Variants in PFKP observed in about 807,000 individuals in gnomAD.
The protein encoded by PFKP is ATP-dependent 6-phosphofructokinase, platelet type.
A neutral mutation model predicts 94.3 loss-of-function variants in PFKP; 101 were observed. The ratio of observed to expected loss-of-function variants is 1.07; its 90% confidence interval spans 0.91 to 1.26. The LOEUF (loss-of-function observed/expected upper bound fraction) is 1.26, where lower values mean the gene tolerates loss of function less well. PFKP is among the 50% of genes most tolerant of loss of function. The pLI is 0.00. For missense variants in PFKP, 1,145 were observed against 1,103.3 expected (o/e 1.04, Z -0.53); for synonymous variants, 573 against 432.6 (o/e 1.32, Z -4.03).
intron 1 of PFKP, chr10:3,068,573 C>A: frequency 1.5e-6 from 1 of 684,626 alleles, no homozygotes; most frequent in East Asian, 1.3e-4. Flanking sequence ...GTGGAAGCTG[C>A]TCTCTAGGAG....
chr10:3,094,408 T>C (rs1442419612), intron 2 of PFKP, among the ~76,000 whole-genome samples: 2 of 152,236 alleles, frequency 1.3e-5, no homozygotes, highest in Admixed American at 6.5e-5. Context: ...TTTAGAATTT[T>C]ACAGTTGACT....
At chr10:3,116,912 A>AG in intron 14 of PFKP, 66 bp downstream of exon 14, 1 of 1,275,002 alleles carries the variant, frequency 7.8e-7, no homozygotes, top group Non-Finnish European at 1.1e-6. Context: ...GTTCTGGGAG[A>AG]GAATCGCTGG....
chr10:3,087,844 A>G (rs1039503529), intron 2 of PFKP, among the ~76,000 whole-genome samples: 8 of 152,136 alleles, frequency 5.3e-5, no homozygotes, highest in African/African-American at 1.9e-4. Context: ...TCTTGGGAAC[A>G]TAAATTCTCA....
chr10:3,080,881 A>C (rs559867599), intron 1 of PFKP, among the ~76,000 whole-genome samples: 1 of 152,210 alleles, frequency 6.6e-6, no homozygotes, highest in Non-Finnish European at 1.5e-5. Flanking sequence ...TGTTAGCAGC[A>C]TTCAGCGCCA....
At position 3,136,556 on chromosome 10, in the gene PFKP, C is replaced by T. The variant is rs745677921; in HGVS notation, c.2332C>T (p.His778Tyr). The T allele has an allele frequency of 6.2e-7, 1 of 1,613,676 alleles. No homozygotes were observed. Among genetic ancestry groups the T allele is most frequent in the South Asian group, 1.1e-5 (1 of 91,004 alleles). The change falls in exon 22 of 22, where the codon CAT (histidine) becomes TAT (tyrosine). Residue 778 changes from histidine (H) to tyrosine (Y), a missense_variant. His to Tyr is a moderately conservative substitution (Grantham distance 83). Around this residue, in one of 3 missense-constraint regions of PFKP, gnomAD observed 20 missense variants for 19.6 expected, o/e 1.02. Transcript: ENST00000381125. Reference protein sequence around the residue: ...YDVSDSGQLEHVQPWSV With the variant: ...YDVSDSGQLEYVQPWSV ...CGTGTCGGACTCAGGCCAGCTGGAA[C>T]ATGTGCAGCCCTGGAGTGTCTGACC... is the stretch of plus-strand genomic sequence containing the variant.
chr10:3,130,790 C>T (rs936584391), intron 17 of PFKP, among the ~76,000 whole-genome samples: 4 of 152,162 alleles, frequency 2.6e-5, no homozygotes, highest in African/African-American at 9.7e-5. Context: ...AACTTCTGAC[C>T]TCGTGATCTG....
At chr10:3,134,118 G>C (rs1230670773) in intron 19 of PFKP, among the ~76,000 whole-genome samples, 1 of 152,168 alleles carries the variant, frequency 6.6e-6, no homozygotes, top group South Asian at 2.1e-4. Context: ...CTGCAATGAT[G>C]ATGAAATAGT....
At chr10:3,119,769 T>A in intron 15 of PFKP, 123 bp from the exon 16 acceptor site, 1 of 575,772 alleles carries the variant, frequency 1.7e-6, no homozygotes, top group African/African-American at 2.9e-5. Flanking sequence ...TCGGAGTGTT[T>A]TCGTGATGCC....
intron 1 of PFKP, among the ~76,000 whole-genome samples, chr10:3,078,109 GA>G (rs751577756): frequency 6.6e-6 from 1 of 152,224 alleles, no homozygotes. Flanking sequence ...AGTGTTGAGT[GA>G]AAGACTCTGA....
intron 21 of PFKP, 76 bp from the exon 22 acceptor site, chr10:3,136,374 T>C: frequency 6.6e-7 from 1 of 1,522,218 alleles, no homozygotes; most frequent in East Asian, 2.3e-5. Flanking sequence ...GCAAGACCGC[T>C]CGCTGTGCTG....
At chr10:3,107,819 C>T in intron 8 of PFKP, 1 of 1,231,318 alleles carries the variant, frequency 8.1e-7, no homozygotes, top group South Asian at 1.4e-5. Flanking sequence ...GCTTCGTGCC[C>T]TGGGACTTGC....
At chr10:3,104,746 C>T (rs976616855) in intron 5 of PFKP, 8 of 319,782 alleles carry the variant, frequency 2.5e-5, no homozygotes, top group Middle Eastern at 2.0e-3. Flanking sequence ...GAGATCCAGC[C>T]GTGGCTGTCG....
At chr10:3,113,284 G>GGC in intron 12 of PFKP, 88 bp from the exon 13 acceptor site, 7 of 1,575,750 alleles carry the variant, frequency 4.4e-6, no homozygotes, top group Non-Finnish European at 6.1e-6. Flanking sequence ...TTTCAGGCCT[G>GGC]GCACGGCATG....
At chr10:3,080,710 C>G (rs907126475) in intron 1 of PFKP, among the ~76,000 whole-genome samples, 16 of 151,774 alleles carry the variant, frequency 1.1e-4, no homozygotes, top group African/African-American at 2.9e-4. Context: ...TTTTTCTAAA[C>G]AAGAAGAATA....
At chr10:3,134,461 A>G in intron 19 of PFKP, 22 bp from the exon 20 acceptor site, 1 of 1,392,750 alleles carries the variant, frequency 7.2e-7, no homozygotes, top group Non-Finnish European at 1.0e-6. Context: ...CTGGTATTTC[A>G]TATAACTCTA....
chr10:3,123,925 A>T (rs1427159965), intron 16 of PFKP, among the ~76,000 whole-genome samples: 1 of 152,046 alleles, frequency 6.6e-6, no homozygotes, highest in Non-Finnish European at 1.5e-5. Context: ...GGTGCGGGGG[A>T]CCCTGCTCAC....
At chr10:3,123,579 G>A (rs766012033) in intron 16 of PFKP, among the ~76,000 whole-genome samples, 9 of 152,222 alleles carry the variant, frequency 5.9e-5, no homozygotes, top group African/African-American at 1.2e-4. Flanking sequence ...CACCCACACC[G>A]TCTGGCTTCC....
At chr10:3,082,904 G>A (rs998165852) in intron 2 of PFKP, among the ~76,000 whole-genome samples, 1 of 151,926 alleles carries the variant, frequency 6.6e-6, no homozygotes, top group Non-Finnish European at 1.5e-5. Flanking sequence ...GTAGAGAAGG[G>A]GTCTCACCAT....
Position 3,105,327 on chromosome 10 carries a change from G to T in PFKP, c.666-66G>T, listed in dbSNP as rs2892549. 11 of 1,417,444 alleles carry T rather than the reference G, an allele frequency of 7.8e-6. No homozygotes were observed. The South Asian group carries it at 1.3e-4, about 16-fold the overall frequency. The allele number at this position is 1,417,444 out of a possible 1,614,324, so 87.8% of individuals were successfully genotyped here. A position where few individuals can be genotyped will look rare whatever the true frequency, so the allele number is the denominator to read the frequency against. ...GTCTGCACGTCTGTCGCTGAGCGGG[G>T]TGCCTGGGCTGCCCTCGTGGGAAGG... On this transcript the variant is annotated intron_variant, in intron 6 of 21. Transcript: ENST00000381125.
Sources: gnomAD v4.1 joint callset for allele counts (sites outside exome capture counted in the v4.1 genomes callset) on GRCh38, gnomAD v4.1.1 for gene constraint, gnomAD v4.1.1 regional missense constraint, MANE v1.5 for transcripts, NCBI Gene and HGNC (gene_info 2026-07-23, HGNC 2026-07-21) for gene names.